Variants in CACNA1A observed in about 807,000 individuals in gnomAD.
The protein encoded by CACNA1A is voltage-dependent P/Q-type calcium channel subunit alpha-1A.
Under a neutral mutation model 262.4 loss-of-function variants are expected in CACNA1A, and 57 were observed. The ratio of observed to expected loss-of-function variants is 0.22; its 90% CI spans 0.18 to 0.27. The LOEUF is 0.27. CACNA1A is among the 10% of genes least tolerant of loss of function. The probability of loss-of-function intolerance (pLI) is 1.00; values close to 1 mark genes in which losing one functional copy is unlikely to be tolerated. For synonymous variants in CACNA1A, 1,431 were observed against 1,419.3 expected, an observed-to-expected ratio of 1.01 and a Z score of -0.18; for missense variants, 2,526 against 3,562.8, an observed-to-expected ratio of 0.71 and a Z score of 7.41.
At chr19:13,497,583 T>A in intron 1 of CACNA1A, among the ~76,000 whole-genome samples, 2 of 83,164 alleles carry the variant, frequency 2.4e-5, no homozygotes, top group Admixed American at 1.7e-4. Flanking sequence ...TATATATAAA[T>A]TTATGTTGTT....
intron 1 of CACNA1A, among the ~76,000 whole-genome samples, chr19:13,497,104 TGTCTAAACCACAG>T (rs2145152431): frequency 6.6e-6 from 1 of 152,116 alleles, no homozygotes; most frequent in South Asian, 2.1e-4. Flanking sequence ...CAATTGCCAG[TGTCTAAACCACAG>T]GTTCTGACTC....
At chr19:13,462,245 T>C (rs1282971244) in intron 1 of CACNA1A, among the ~76,000 whole-genome samples, 2 of 152,152 alleles carry the variant, frequency 1.3e-5, no homozygotes, top group Non-Finnish European at 2.9e-5. Flanking sequence ...TGTCAACTCT[T>C]TGTGACCTTG....
Position 13,214,150 on chromosome 19 carries a change from C to A in CACNA1A, c.5940+83G>T, listed in dbSNP as rs2054913619. On this transcript the variant is annotated intron_variant, in intron 40 of 46. Coordinates refer to ENST00000360228, the MANE Select transcript of CACNA1A (RefSeq NM_001127222.2). This position sits in a 1 kb window ranked among gnomAD's most constrained non-coding sequence, Gnocchi z 4.1. Reference sequence around the variant, plus strand: ...AGGGACCTGCCCTGGGGCTCAGCCACCCTCATATTCCAGTTGGTTCCCGTG... The same window carrying A: ...AGGGACCTGCCCTGGGGCTCAGCCAACCTCATATTCCAGTTGGTTCCCGTG... 2 of 1,140,956 alleles carry A rather than the reference C, an allele frequency of 1.8e-6. No individual in the cohort carries two copies. The highest frequency in any genetic ancestry group is 2.7e-5 in the South Asian group (2 of 75,182). The allele number at this position is 1,140,956 out of a possible 1,614,324, so 70.7% of individuals were successfully genotyped here. A position where few individuals can be genotyped will look rare whatever the true frequency, so the allele number is the denominator to read the frequency against.
intron 31 of CACNA1A, chr19:13,244,123 C>T (rs1317828509): frequency 6.6e-6 from 1 of 152,222 alleles, no homozygotes; most frequent in African/African-American, 2.4e-5. Flanking sequence ...CACTTGGTGG[C>T]TTCTCCTGGC....
chr19:13,301,574 A>T (rs1243029800), intron 17 of CACNA1A, among the ~76,000 whole-genome samples: 1 of 152,248 alleles, frequency 6.6e-6, no homozygotes, highest in African/African-American at 2.4e-5. Flanking sequence ...GAATGGGGGA[A>T]GAGGTTTTAA....
At chr19:13,310,135 T>C (rs1010073911) in intron 12 of CACNA1A, among the ~76,000 whole-genome samples, 6 of 152,062 alleles carry the variant, frequency 3.9e-5, no homozygotes, top group African/African-American at 1.4e-4. Context: ...CTCGCCTTTT[T>C]AACGTATTCA....
chr19:13,469,509 C>T (rs1342857243), intron 1 of CACNA1A, among the ~76,000 whole-genome samples: 5 of 138,090 alleles, frequency 3.6e-5, no homozygotes, highest in Non-Finnish European at 7.7e-5. Context: ...CTCGCCCTGT[C>T]GCCCAGGCTG....
intron 3 of CACNA1A, among the ~76,000 whole-genome samples, chr19:13,438,941 G>A (rs530510925): frequency 3.5e-4 from 53 of 152,190 alleles, no homozygotes; most frequent in African/African-American, 1.1e-3. Context: ...ATTTCACCAT[G>A]TTGGCCAGGC....
chr19:13,313,174 T>A (rs559390595), intron 11 of CACNA1A, among the ~76,000 whole-genome samples: 36 of 152,010 alleles, frequency 2.4e-4, no homozygotes, highest in Admixed American at 9.2e-4. Context: ...GTCCAAGGTG[T>A]CCTTCCCATG....
At position 13,506,226 on chromosome 19, in the gene CACNA1A, C is replaced by T; in HGVS notation, c.-2G>A. Reference sequence around the variant, plus strand: ...CATCTCGTCTCCGAAGCGGGCCATTCTGCAAAGAGCAAAGGGCTCCGGGTT... The same window carrying T: ...CATCTCGTCTCCGAAGCGGGCCATTTTGCAAAGAGCAAAGGGCTCCGGGTT... On this transcript the variant is annotated 5_prime_UTR_variant, in exon 1 of 47. Transcript: ENST00000360228. 3.4e-6 allele frequency: 5 copies of T among 1,472,860 alleles called. No homozygotes were observed. The highest frequency in any genetic ancestry group is 4.5e-6 in the Non-Finnish European group (5 of 1,120,986). The allele number at this position is 1,472,860 out of a possible 1,614,324, so 91.2% of individuals were successfully genotyped here.
Position 13,261,559 on chromosome 19 carries a change from T to C in CACNA1A, c.4141A>G (p.Ile1381Val). ...NSLKNVFNIL[I>V]VYMLFMFIFA... ...ATGAACATGAATAGCATGTAGACGA[T>C]GAGGATGTTGAAGACGTTTTTAAGT... Residue 1381 changes from isoleucine to valine, a missense_variant, in exon 26 of 47, where the codon ATC becomes GTC. Around this residue, in one of 17 missense-constraint regions of CACNA1A, gnomAD observed 137 missense variants for 377.7 expected, o/e 0.36. Coordinates refer to ENST00000360228, the MANE Select transcript of CACNA1A (RefSeq NM_001127222.2). 1 of 1,607,974 alleles carries C rather than the reference T, an allele frequency of 6.2e-7. No homozygotes were observed. The highest frequency in any genetic ancestry group is 8.5e-7 in the Non-Finnish European group (1 of 1,176,956).
intron 19 of CACNA1A, among the ~76,000 whole-genome samples, chr19:13,298,306 T>C (rs754710027): frequency 6.6e-6 from 1 of 151,092 alleles, no homozygotes; most frequent in Non-Finnish European, 1.5e-5. Context: ...AATTTTTGTA[T>C]TTTTATTAGA....
chr19:13,292,460 A>G (rs2057563417), intron 19 of CACNA1A, among the ~76,000 whole-genome samples: 1 of 152,010 alleles, frequency 6.6e-6, no homozygotes, highest in Non-Finnish European at 1.5e-5. Context: ...AAAAAATACA[A>G]AAGATTAGCT....
At chr19:13,472,368 T>C (rs763239273) in intron 1 of CACNA1A, among the ~76,000 whole-genome samples, 2 of 152,148 alleles carry the variant, frequency 1.3e-5, no homozygotes. Flanking sequence ...TATATATATT[T>C]AAAGTAAAGC....
At chr19:13,331,887 C>T (rs1339321130) in intron 9 of CACNA1A, among the ~76,000 whole-genome samples, 1 of 151,928 alleles carries the variant, frequency 6.6e-6, no homozygotes, top group African/African-American at 2.4e-5. Context: ...CTTGAACTCC[C>T]AGGCTCAAGT....
chr19:13,241,484 G>T lies in CACNA1A; in HGVS notation c.4950+3698C>A. The stretch of plus-strand genomic sequence containing the variant: ...GCGAGGAGATGCGTTCACAGTTAAT[G>T]TAAGGCATTTAGACTTCAGAAAGAA... On this transcript the variant is annotated intron_variant, in intron 31 of 46. Transcript: ENST00000360228. This position sits in a 1 kb window ranked among gnomAD's most constrained non-coding sequence, Gnocchi z 4.0. 1.6e-6 allele frequency: 2 copies of T among 1,277,512 alleles called. No homozygotes were observed. Among genetic ancestry groups the T allele is most frequent in the Non-Finnish European group, 2.1e-6 (2 of 959,746 alleles). 79.1% of individuals were successfully genotyped at this position (1,277,512 alleles called of 1,614,324 possible). A position where few individuals can be genotyped will look rare whatever the true frequency, so the allele number is the denominator to read the frequency against.
chr19:13,352,816 A>G (rs1000097136), intron 6 of CACNA1A, among the ~76,000 whole-genome samples: 3 of 152,176 alleles, frequency 2.0e-5, no homozygotes. Context: ...TCTGTTGCCC[A>G]GGCTGGAGTG....
intron 1 of CACNA1A, among the ~76,000 whole-genome samples, chr19:13,474,029 G>A (rs1449384817): frequency 2.6e-5 from 4 of 152,138 alleles, no homozygotes; most frequent in African/African-American, 9.7e-5. Flanking sequence ...GATTCTCCTT[G>A]AAGCTTTATC....
chr19:13,273,057 T>G (rs979453685), intron 24 of CACNA1A: 1 of 152,146 alleles, frequency 6.6e-6, no homozygotes, highest in Non-Finnish European at 1.5e-5. Context: ...CTCCATCTCC[T>G]GGGTCCAAGC....
Sources: allele counts gnomAD v4.1 joint callset (sites outside exome capture counted in the v4.1 genomes callset), GRCh38; gene constraint gnomAD v4.1.1; regional missense constraint gnomAD v4.1.1; non-coding constraint Gnocchi (gnomAD v3.1); transcripts MANE v1.5; gene names NCBI Gene and HGNC (gene_info 2026-07-23, HGNC 2026-07-21).